FCAMR: variants seen among roughly 807,000 people sequenced by gnomAD.
FCAMR encodes the protein Fc alpha and mu receptor.
A neutral mutation model predicts 52.2 loss-of-function variants in FCAMR; 51 were observed. The observed-to-expected ratio is 0.98, with a 90% CI of 0.78 to 1.23. The LOEUF (loss-of-function observed/expected upper bound fraction) is 1.23. Ranked by LOEUF, FCAMR falls within the 50% of genes most tolerant of loss-of-function variation. FCAMR has a pLI of 0.00. For missense variants in FCAMR, 719 were observed against 712.6 expected (o/e 1.01, Z -0.10); for synonymous variants, 282 against 262.0 (o/e 1.08, Z -0.74).
At chr1:206,960,366 G>T in intron 6 of FCAMR, 56 bp downstream of exon 6, 1 of 1,443,162 alleles carries the variant, frequency 6.9e-7, no homozygotes, top group South Asian at 1.5e-5. Context: ...TCCCTTGCAT[G>T]CCAGGGATGA....
Position 206,962,296 on chromosome 1 carries a change from G to A in FCAMR, c.569C>T (p.Pro190Leu), listed in dbSNP as rs754536090. The change falls in exon 5 of 8, where the codon CCG becomes CTG. Residue 190 changes from proline (P) to leucine (L), a missense_variant. Transcript: ENST00000324852. The part of the protein sequence containing the change: ...LFVVRLSQLS[P>L]DDIGCYLCGI... ...GCAGAGGTAGCATCCGATGTCATCC[G>A]GGGACAGTTGGGACAGCCTCACCAC... 132 of 1,614,060 alleles carry A rather than the reference G, an allele frequency of 8.2e-5. No homozygotes were observed. In the South Asian group the frequency reaches 9.3e-4, roughly 11 times the overall value.
Position 206,958,451 on chromosome 1 carries a change from G to C in FCAMR, c.*65C>G. 1.4e-6 allele frequency: 2 copies of C among 1,474,346 alleles called. No individual in the cohort carries two copies. The highest frequency in any genetic ancestry group is 1.8e-6 in the Non-Finnish European group (2 of 1,098,978). 91.3% of individuals were successfully genotyped at this position (1,474,346 alleles called of 1,614,324 possible). A position where few individuals can be genotyped will look rare whatever the true frequency, so the allele number is the denominator to read the frequency against. The stretch of plus-strand genomic sequence containing the variant: ...AGGAAGGATGATGGAAAGAGGCTGG[G>C]GTCCTGAAGGCCTTTGATCTTGGTC... On this transcript the variant is annotated 3_prime_UTR_variant, in exon 8 of 8. Coordinates refer to ENST00000324852, the MANE Select transcript of FCAMR (RefSeq NM_001170631.2).
chr1:206,960,956 G>A lies in FCAMR; in HGVS notation c.920C>T (p.Pro307Leu), dbSNP rs552401505. Reference protein sequence around the residue: ...WAEGSVKAPAPIPESPPSKSR... With the variant: ...WAEGSVKAPALIPESPPSKSR... ...CTTTGAAGGTGGACTCTCTGGAATC[G>A]GAGCAGGTGCTTTGACAGAACCCTC... is the stretch of plus-strand genomic sequence containing the variant. Residue 307 changes from proline (P) to leucine (L), a missense_variant, in exon 6 of 8, where the codon CCG (proline) becomes CTG (leucine). Transcript: ENST00000324852. 3.9e-6 allele frequency: 6 copies of A among 1,552,010 alleles called. No individual in the cohort carries two copies. The highest frequency in any genetic ancestry group is 2.4e-5 in the South Asian group (2 of 84,066).
At chr1:206,959,088 A>T in intron 7 of FCAMR, 1 of 383,824 alleles carries the variant, frequency 2.6e-6, no homozygotes, top group Non-Finnish European at 5.2e-6. Flanking sequence ...CTTATGGTTA[A>T]CATAGGCATC....
chr1:206,958,697 C>G (rs1462725656), intron 7 of FCAMR, 21 bp from the exon 8 acceptor site: 14 of 1,613,890 alleles, frequency 8.7e-6, no homozygotes, highest in Non-Finnish European at 1.1e-5. Context: ...ACAGAGCAGA[C>G]TGTGAGGGTT....
Position 206,970,086 on chromosome 1 carries a change from C to A in FCAMR, c.39+1G>T. On this transcript the variant is annotated splice_donor_variant, in intron 1 of 7. Transcript: ENST00000324852. LOFTEE classifies it high-confidence loss of function. ...ACCTCCAGGAGAAAGCATCATTTCACCTTTTGTTCTCCAGGCTTCACTGTG... is the reference window on the plus strand; with the variant it reads ...ACCTCCAGGAGAAAGCATCATTTCAACTTTTGTTCTCCAGGCTTCACTGTG... 3 of 1,614,116 alleles carry A rather than the reference C, an allele frequency of 1.9e-6. No individual in the cohort carries two copies. The highest frequency in any genetic ancestry group is 2.5e-6 in the Non-Finnish European group (3 of 1,179,990).
chr1:206,958,145 G>A lies in FCAMR; in HGVS notation c.*371C>T, dbSNP rs1006437720. The stretch of plus-strand genomic sequence containing the variant: ...GGAGGCTGAGTGCTAACAGTAGTCA[G>A]AAAAGGAGCCCCCAGCAAGGGCTGG... On this transcript the variant is annotated 3_prime_UTR_variant, in exon 8 of 8. Coordinates refer to ENST00000324852, the MANE Select transcript of FCAMR (RefSeq NM_001170631.2). 2.8e-5 allele frequency: 5 copies of A among 178,126 alleles called. No individual in the cohort carries two copies. Among genetic ancestry groups the A allele is most frequent in the Admixed American group, 1.2e-4 (2 of 16,520 alleles). The allele number at this position is 178,126 out of a possible 1,614,324, so 11.0% of individuals were successfully genotyped here. A position where few individuals can be genotyped will look rare whatever the true frequency, so the allele number is the denominator to read the frequency against.
intron 7 of FCAMR, among the ~76,000 whole-genome samples, chr1:206,959,475 TAAA>T (rs371737879): frequency 1.3e-5 from 1 of 76,474 alleles, no homozygotes; most frequent in Admixed American, 1.5e-4. Flanking sequence ...AGAGTCTGTC[TAAA>T]AAAAAAAAAA....
In FCAMR at chr1:206,964,966, A is replaced by G. The variant is rs994639367; in HGVS notation, c.313+749T>C. Among the ~76,000 whole-genome samples, 4 of 152,138 alleles carry G rather than the reference A, an allele frequency of 2.6e-5. No individual in the cohort carries two copies. The East Asian group carries it at 5.8e-4, about 22-fold the overall frequency. ...CAGGCCCAGGAAACCTACCCTGCCT[A>G]TTATGTGTGTATTCAGGTCTAACTG... On this transcript the variant is annotated intron_variant, in intron 4 of 7. Coordinates refer to ENST00000324852, the MANE Select transcript of FCAMR (RefSeq NM_001170631.2).
chr1:206,966,024 A>G lies in FCAMR; in HGVS notation c.170-166T>C, dbSNP rs114880641. ...TGCCCTCCTGCAGCTTCTCCCTCCCACTGCTACCACCTTGCTGGGGTCTCA... is the reference window on the plus strand; with the variant it reads ...TGCCCTCCTGCAGCTTCTCCCTCCCGCTGCTACCACCTTGCTGGGGTCTCA... On this transcript the variant is annotated intron_variant, in intron 3 of 7. Coordinates refer to ENST00000324852, the MANE Select transcript of FCAMR (RefSeq NM_001170631.2). 747 of 843,210 alleles carry G rather than the reference A, an allele frequency of 8.9e-4. 7 individuals carry two copies. In the African/African-American group the frequency reaches 0.012, roughly 13 times the overall value. 52.2% of individuals were successfully genotyped at this position (843,210 alleles called of 1,614,324 possible). A position where few individuals can be genotyped will look rare whatever the true frequency, so the allele number is the denominator to read the frequency against.
At position 206,961,241 on chromosome 1, in the gene FCAMR, G is replaced by A. The variant is rs1680499724; in HGVS notation, c.653-18C>T. 1 of 1,510,164 alleles carries A rather than the reference G, an allele frequency of 6.6e-7. No individual in the cohort carries two copies. Among genetic ancestry groups the A allele is most frequent in the Non-Finnish European group, 8.9e-7 (1 of 1,128,800 alleles). 93.5% of individuals were successfully genotyped at this position (1,510,164 alleles called of 1,614,324 possible). A position where few individuals can be genotyped will look rare whatever the true frequency, so the allele number is the denominator to read the frequency against. On this transcript the variant is annotated intron_variant, in intron 5 of 7. Coordinates refer to ENST00000324852, the MANE Select transcript of FCAMR (RefSeq NM_001170631.2). ...GGCGGGACCTGTGTGGACAGCAGAG[G>A]GAGGCCACATGGGAAGGCTGGCAGG...
intron 3 of FCAMR, 70 bp from the exon 4 acceptor site, chr1:206,965,928 G>A: frequency 6.2e-7 from 1 of 1,602,108 alleles, no homozygotes. Flanking sequence ...TACAGAGGAA[G>A]AAGCAAACAG....
Position 206,958,609 on chromosome 1 carries a change from G to A in FCAMR, c.1641C>T (p.Asp547=), listed in dbSNP as rs1318169109. The A allele has an allele frequency of 6.2e-7, 1 of 1,613,962 alleles. No homozygotes were observed. The highest frequency in any genetic ancestry group is 1.1e-5 in the South Asian group (1 of 91,074). The stretch of plus-strand genomic sequence containing the variant: ...TCTTTCTTTCCACATGGGGCAGCTG[G>A]TCTGCTTGGGGGTTCACTTCCAGAA... ...THFLEVNPQA[D]QLPHVERKML... The change falls in exon 8 of 8, where the codon GAC becomes GAT. Residue 547 remains aspartate, a synonymous_variant. Transcript: ENST00000324852.
Position 206,960,733 on chromosome 1 carries a change from C to A in FCAMR, c.1143G>T (p.Leu381=). The A allele has an allele frequency of 1.9e-6, 3 of 1,552,336 alleles. No homozygotes were observed. Among genetic ancestry groups the A allele is most frequent in the Admixed American group, 2.0e-5 (1 of 51,002 alleles). ...TTTCCCAGGCCAAAGTTTCTGAGAC[C>A]AGAGCTGGTGGCCCAATGGTTCCTA... ...KVLGTIGPPA[L]VSETLAWEIL... Residue 381 remains leucine, a synonymous_variant, in exon 6 of 8, where the codon CTG becomes CTT. Transcript: ENST00000324852.
chr1:206,960,352 G>A (rs763999613), intron 6 of FCAMR, 70 bp downstream of exon 6: 53 of 1,371,968 alleles, frequency 3.9e-5, no homozygotes, highest in Non-Finnish European at 5.0e-5. Flanking sequence ...GAGGGAGAGG[G>A]GCCTCCCTTG....
chr1:206,965,939 C>T, intron 3 of FCAMR, 81 bp from the exon 4 acceptor site: 1 of 1,590,508 alleles, frequency 6.3e-7, no homozygotes, highest in East Asian at 2.3e-5. Flanking sequence ...AAGCAAACAG[C>T]CAGTTCCAAA....
chr1:206,964,939 C>T (rs866692486), intron 4 of FCAMR, among the ~76,000 whole-genome samples: 1 of 152,284 alleles, frequency 6.6e-6, no homozygotes, highest in South Asian at 2.1e-4. Context: ...TGTGTGACTG[C>T]ACAGGCCCAG....
In FCAMR at chr1:206,959,754, C is replaced by T; in HGVS notation, c.1498G>A (p.Val500Ile). The T allele has an allele frequency of 6.2e-7, 1 of 1,614,116 alleles. No individual in the cohort carries two copies. Among genetic ancestry groups the T allele is most frequent in the Non-Finnish European group, 8.5e-7 (1 of 1,180,032 alleles). The stretch of plus-strand genomic sequence containing the variant: ...ATAAACAGGGCCAGCATGGTAGAGA[C>T]AGGAGCCAGGGTCCGAGAGCTGCTT... Reference protein sequence around the residue: ...DESSSRTLAPVSTMLALFMLM... With the variant: ...DESSSRTLAPISTMLALFMLM... The change falls in exon 7 of 8, where the codon GTC (valine) becomes ATC (isoleucine). Residue 500 changes from valine to isoleucine, a missense_variant. Coordinates refer to ENST00000324852, the MANE Select transcript of FCAMR (RefSeq NM_001170631.2).
At position 206,962,554 on chromosome 1, in the gene FCAMR, G is replaced by T. The variant is rs758574667; in HGVS notation, c.314-3C>A. The stretch of plus-strand genomic sequence containing the variant: ...TGAGCCCTTCAATGAATTTGGAGCT[G>T]CAGACAGAGAAGGAAGTCAAAGGAG... On this transcript the variant is annotated splice_polypyrimidine_tract_variant and splice_region_variant and intron_variant, in intron 4 of 7. Transcript: ENST00000324852. The T allele has an allele frequency of 6.5e-7, 1 of 1,536,640 alleles. No individual in the cohort carries two copies. Among genetic ancestry groups the T allele is most frequent in the Admixed American group, 2.0e-5 (1 of 50,942 alleles).
Sources: allele counts gnomAD v4.1 joint callset (sites outside exome capture counted in the v4.1 genomes callset), GRCh38; gene constraint gnomAD v4.1.1; transcripts MANE v1.5; gene names NCBI Gene and HGNC (gene_info 2026-07-23, HGNC 2026-07-21).